DNAH14: variants seen among roughly 807,000 people sequenced by gnomAD.
DNAH14 encodes the protein axonemal beta dynein heavy chain 14.
Under a neutral mutation model 520.9 loss-of-function variants are expected in DNAH14, and 478 were observed. That is an observed-to-expected ratio of 0.92 (90% CI 0.85 to 0.99). DNAH14 has a LOEUF of 0.99. Ranked by LOEUF, DNAH14 falls within the 50% of genes least tolerant of loss-of-function variation. The pLI, the probability that DNAH14 is intolerant of heterozygous loss-of-function variation, is 0.00. For synonymous variants in DNAH14, 1,581 were observed against 1,757.2 expected, an observed-to-expected ratio of 0.90 and a Z score of 2.51; for missense variants, 4,831 against 5,234.5, an observed-to-expected ratio of 0.92 and a Z score of 2.38.
chr1:225,270,419 T>A (rs576462344), intron 49 of DNAH14, among the ~76,000 whole-genome samples: 1 of 151,974 alleles, frequency 6.6e-6, no homozygotes, highest in Middle Eastern at 3.2e-3. Context: ...TATGTATACA[T>A]ATATAACAAA....
chr1:225,342,225 A>T (rs2095200832), intron 69 of DNAH14, among the ~76,000 whole-genome samples: 1 of 152,166 alleles, frequency 6.6e-6, no homozygotes, highest in Admixed American at 6.5e-5. Context: ...TAAGAATATA[A>T]TTTTTGAAAG....
rs1396251198 is a variant in DNAH14 at position 225,173,222 on chromosome 1, A to C, written c.5535+5194A>C. Reference sequence around the variant, plus strand: ...GGCCAAGGACTTCATGTCTAAAACAACAAAAGCAATGGCAACAAAAGCCAA... The same window carrying C: ...GGCCAAGGACTTCATGTCTAAAACACCAAAAGCAATGGCAACAAAAGCCAA... On this transcript the variant is annotated intron_variant, in intron 36 of 85. Transcript: ENST00000682510. Among the ~76,000 whole-genome samples, 12 of 152,230 alleles carry C rather than the reference A, an allele frequency of 7.9e-5. No individual in the cohort carries two copies. The South Asian group carries it at 8.3e-4, about 11-fold the overall frequency.
chr1:225,095,052 A>G (rs1483493774), intron 21 of DNAH14, among the ~76,000 whole-genome samples: 1 of 152,142 alleles, frequency 6.6e-6, no homozygotes, highest in East Asian at 1.9e-4. Flanking sequence ...AAAAGGGAAT[A>G]CTTATACATT....
chr1:225,369,916 T>TA (rs1266561466), intron 77 of DNAH14, among the ~76,000 whole-genome samples: 1 of 152,164 alleles, frequency 6.6e-6, no homozygotes, highest in Admixed American at 6.5e-5. Context: ...CCAGGCTCGG[T>TA]GGCTCACAGC....
intron 31 of DNAH14, 83 bp from the exon 32 acceptor site, chr1:225,151,922 A>C (rs749291428): frequency 8.8e-7 from 1 of 1,142,812 alleles, no homozygotes; most frequent in South Asian, 1.3e-5. Context: ...AGCCTTAATA[A>C]AGCTTCCAAA....
rs1326403296 is a variant in DNAH14, at chr1:225,043,960, T to C, written c.1889T>C (p.Leu630Ser). Residue 630 changes from leucine (L) to serine (S), a missense_variant, in exon 15 of 86, where the codon TTG (leucine) becomes TCG (serine). Transcript: ENST00000682510. The stretch of plus-strand genomic sequence containing the variant: ...TTTTCAGTAAAAATTCAAAATATGT[T>C]GACTAATATGGAAAAATGTATAAGT... Reference protein sequence around the residue: ...LEFSVKIQNMLTNMEKCITTI... With the variant: ...LEFSVKIQNMSTNMEKCITTI... 2 of 1,502,776 alleles carry C rather than the reference T, an allele frequency of 1.3e-6. No individual in the cohort carries two copies. The highest frequency in any genetic ancestry group is 1.8e-6 in the Non-Finnish European group (2 of 1,109,594). 93.1% of individuals were successfully genotyped at this position (1,502,776 alleles called of 1,614,324 possible).
intron 3 of DNAH14, among the ~76,000 whole-genome samples, chr1:224,958,389 A>G (rs2060638408): frequency 6.6e-6 from 1 of 152,100 alleles, no homozygotes; most frequent in African/African-American, 2.4e-5. Flanking sequence ...GGATGTGCAG[A>G]TGTAGGCACA....
intron 55 of DNAH14, among the ~76,000 whole-genome samples, chr1:225,290,983 T>G (rs1424294180): frequency 6.6e-6 from 1 of 152,002 alleles, no homozygotes; most frequent in Middle Eastern, 3.2e-3. Context: ...CCTCTCTAGC[T>G]GTAATTTTGT....
Position 225,399,042 on chromosome 1 carries a change from T to C in DNAH14, c.13639-12T>C. ...ATGCAATTTGACTACTGGATTTTTTTTTTTTTTAAAGATTTCTACCAAAAC... is the reference window on the plus strand; with the variant it reads ...ATGCAATTTGACTACTGGATTTTTTCTTTTTTTAAAGATTTCTACCAAAAC... On this transcript the variant is annotated splice_polypyrimidine_tract_variant and intron_variant, in intron 85 of 85. Transcript: ENST00000682510. 1 of 1,531,564 alleles carries C rather than the reference T, an allele frequency of 6.5e-7. No homozygotes were observed. The highest frequency in any genetic ancestry group is 8.8e-7 in the Non-Finnish European group (1 of 1,137,384). The allele number at this position is 1,531,564 out of a possible 1,614,324, so 94.9% of individuals were successfully genotyped here. A position where few individuals can be genotyped will look rare whatever the true frequency, so the allele number is the denominator to read the frequency against.
intron 38 of DNAH14, among the ~76,000 whole-genome samples, chr1:225,199,474 G>A (rs2086548429): frequency 6.6e-6 from 1 of 151,894 alleles, no homozygotes; most frequent in Non-Finnish European, 1.5e-5. Flanking sequence ...TAAGTGTTTA[G>A]GGCTATGAAC....
At chr1:224,954,768 G>A (rs541808456) in intron 2 of DNAH14, among the ~76,000 whole-genome samples, 191 bp from the exon 3 acceptor site, 4 of 152,210 alleles carry the variant, frequency 2.6e-5, no homozygotes, top group African/African-American at 4.8e-5. Flanking sequence ...TGAGTGAATA[G>A]ATATTATATT....
intron 23 of DNAH14, among the ~76,000 whole-genome samples, chr1:225,107,072 T>A (rs1049640503): frequency 1.3e-5 from 2 of 152,252 alleles, no homozygotes; most frequent in African/African-American, 4.8e-5. Context: ...ATGTCCTTTC[T>A]GTTTGTTAGT....
Position 224,960,176 on chromosome 1 carries a change from C to A in DNAH14, c.241C>A (p.Gln81Lys). ...TEDYLRESII[Q>K]QHMVSPEPAS... ...AGATTACCTTAGAGAAAGTATAATT[C>A]AACAACATATGGTTTCTCCAGAGCC... is the stretch of plus-strand genomic sequence containing the variant. Residue 81 changes from glutamine to lysine, a missense_variant, in exon 4 of 86, where the codon CAA (glutamine) becomes AAA (lysine). Physicochemically the swap from Gln to Lys is moderately conservative, Grantham distance 53. Coordinates refer to ENST00000682510, the MANE Select transcript of DNAH14 (RefSeq NM_001367479.1). 1.3e-6 allele frequency: 2 copies of A among 1,594,676 alleles called. No individual in the cohort carries two copies. The highest frequency in any genetic ancestry group is 1.7e-6 in the Non-Finnish European group (2 of 1,173,616).
At chr1:225,014,246 C>T (rs566899484) in intron 10 of DNAH14, among the ~76,000 whole-genome samples, 28 of 152,134 alleles carry the variant, frequency 1.8e-4, no homozygotes, top group Admixed American at 3.3e-4. Flanking sequence ...GGTGAGGCGA[C>T]GCCCCACCCT....
intron 27 of DNAH14, among the ~76,000 whole-genome samples, chr1:225,140,188 C>A (rs1340825129): frequency 2.0e-5 from 3 of 152,210 alleles, no homozygotes; most frequent in African/African-American, 7.2e-5. Context: ...TAGGTACTAT[C>A]TTAGTGAGTT....
At chr1:225,288,456 A>C (rs2093795951) in intron 54 of DNAH14, among the ~76,000 whole-genome samples, 1 of 152,140 alleles carries the variant, frequency 6.6e-6, no homozygotes, top group Admixed American at 6.6e-5. Context: ...AACTAACAAG[A>C]TCTGAAAAAA....
In DNAH14 at chr1:225,138,646, G is replaced by A. The variant is rs146587267; in HGVS notation, c.4255-2122G>A. On this transcript the variant is annotated intron_variant, in intron 27 of 85. Transcript: ENST00000682510. ...AGCCCTGGTGGCATGGGCTTACAAG[G>A]GGATCTCCTGCTCCACAGGTTGCAA... Among the ~76,000 whole-genome samples the A allele has an allele frequency of 3.6e-3, 543 of 152,232 alleles. 3 individuals are homozygous for A. Among genetic ancestry groups the A allele is most frequent in the Non-Finnish European group, 4.9e-3 (335 of 68,004 alleles).
intron 61 of DNAH14, among the ~76,000 whole-genome samples, chr1:225,320,173 T>C (rs892290958): frequency 6.6e-6 from 1 of 152,216 alleles, no homozygotes; most frequent in Non-Finnish European, 1.5e-5. Flanking sequence ...CCAAGCTTCC[T>C]GGCTGGGGAT....
intron 23 of DNAH14, among the ~76,000 whole-genome samples, chr1:225,116,733 T>C (rs1428784789): frequency 6.6e-6 from 1 of 152,020 alleles, no homozygotes; most frequent in Admixed American, 6.6e-5. Flanking sequence ...TGATGGAAAA[T>C]AATAAGACGT....
Sources: allele counts gnomAD v4.1 joint callset (sites outside exome capture counted in the v4.1 genomes callset), GRCh38; gene constraint gnomAD v4.1.1; transcripts MANE v1.5; gene names NCBI Gene and HGNC (gene_info 2026-07-23, HGNC 2026-07-21).